Variants in RIC3 observed in about 807,000 individuals in gnomAD.
RIC3 encodes the protein protein RIC-3.
RIC3 carries 28 observed loss-of-function variants against 27.3 expected under a neutral mutation model. The observed-to-expected ratio is 1.02, with a 90% CI of 0.76 to 1.41. RIC3 has a LOEUF of 1.41. RIC3 is among the 40% of genes most tolerant of loss of function. The probability of loss-of-function intolerance (pLI) is 0.00; values close to 1 mark genes in which losing one functional copy is unlikely to be tolerated. For synonymous variants in RIC3, 184 were observed against 160.4 expected (o/e 1.15, Z -1.11); for missense variants, 501 against 444.7 (o/e 1.13, Z -1.14).
chr11:8,168,327 G>A (rs936303855), intron 1 of RIC3, among the ~76,000 whole-genome samples: 1 of 152,116 alleles, frequency 6.6e-6, no homozygotes, highest in Non-Finnish European at 1.5e-5. Context: ...ACTGAAACTG[G>A]GGTTATTAAA....
Position 8,169,006 on chromosome 11 carries a change from C to CGCAGGT in RIC3, c.-23_-18dup. The CGCAGGT allele has an allele frequency of 6.4e-7, 1 of 1,558,604 alleles. No individual in the cohort carries two copies. Among genetic ancestry groups the CGCAGGT allele is most frequent in the Admixed American group, 2.0e-5 (1 of 49,520 alleles). On this transcript the variant is annotated 5_prime_UTR_variant, in exon 1 of 6. Coordinates refer to ENST00000309737, the MANE Select transcript of RIC3 (RefSeq NM_001206671.4). ...GTACGCCATGACTGCTCACGGTGGT[C>CGCAGGT]GCAGGTGCAGACGCCAGCCGGAACC...
At chr11:8,129,762 C>T (rs1947462891) in intron 4 of RIC3, among the ~76,000 whole-genome samples, 1 of 152,212 alleles carries the variant, frequency 6.6e-6, no homozygotes, top group South Asian at 2.1e-4. Flanking sequence ...TTTCAGGATA[C>T]TGCAGCAGAG....
chr11:8,132,873 C>A (rs957283207), intron 4 of RIC3, among the ~76,000 whole-genome samples: 10 of 152,222 alleles, frequency 6.6e-5, no homozygotes, highest in Middle Eastern at 3.4e-3. Flanking sequence ...CATAGGAGCA[C>A]AGACTTGTAA....
chr11:8,141,002 G>C (rs572734635), intron 1 of RIC3, among the ~76,000 whole-genome samples: 1 of 148,550 alleles, frequency 6.7e-6, no homozygotes, highest in Non-Finnish European at 1.5e-5. Flanking sequence ...GTCACCACCA[G>C]GCCTGCCCTA....
the RIC3 span, chr11:8,098,996 C>T: frequency 2.6e-6 from 2 of 767,712 alleles, no homozygotes; most frequent in Non-Finnish European, 4.5e-6. Flanking sequence ...TGGAGAGGGG[C>T]TGTCCTCTGT....
At chr11:8,103,941 G>A (rs986708869), downstream of RIC3, 2 of 152,210 alleles carry the variant, frequency 1.3e-5, no homozygotes, top group African/African-American at 4.8e-5. Context: ...ATCTTTTGGT[G>A]GAGTCAGGAA....
chr11:8,156,458 A>G (rs1309158890), intron 1 of RIC3, among the ~76,000 whole-genome samples: 1 of 152,226 alleles, frequency 6.6e-6, no homozygotes, highest in African/African-American at 2.4e-5. Context: ...ATAATATCAT[A>G]TATACAAAGC....
At chr11:8,143,838 T>C (rs562875304) in intron 1 of RIC3, among the ~76,000 whole-genome samples, 1,666 of 152,080 alleles carry the variant, frequency 0.011, 26 homozygotes, top group Admixed American at 0.053. Flanking sequence ...GAGATATAGA[T>C]CAATGGAACA....
intron 1 of RIC3, among the ~76,000 whole-genome samples, chr11:8,155,317 T>C (rs1308660069): frequency 3.3e-5 from 5 of 152,050 alleles, no homozygotes; most frequent in Admixed American, 6.6e-5. Flanking sequence ...GGCTCACGTC[T>C]GTAATCCCAG....
Position 8,136,319 on chromosome 11 carries a change from A to G in RIC3, c.521+1059T>C, listed in dbSNP as rs191564120. ...GTAGAGCAACGATTTCCTGGGGCAA[A>G]AACTACAGTGTGCTCACAAAGATGC... On this transcript the variant is annotated intron_variant, in intron 4 of 5. Transcript: ENST00000309737. 7.6e-4 allele frequency among the ~76,000 whole-genome samples: 115 copies of G among 152,308 alleles called. 1 individual carries two copies. Among genetic ancestry groups the G allele is most frequent in the Middle Eastern group, 3.4e-3 (1 of 294 alleles).
chr11:8,103,084 C>T (rs1944373987), downstream of RIC3: 1 of 152,210 alleles, frequency 6.6e-6, no homozygotes, highest in Admixed American at 6.5e-5. Flanking sequence ...GTGTCTGGCC[C>T]CTCCGCGAGG....
chr11:8,167,481 A>G (rs140691630), intron 1 of RIC3, among the ~76,000 whole-genome samples: 108 of 152,258 alleles, frequency 7.1e-4, no homozygotes, highest in African/African-American at 2.5e-3. Context: ...AACTGAAGGT[A>G]CAAAGATCCT....
the RIC3 span, chr11:8,093,929 C>T: frequency 8.2e-7 from 1 of 1,212,342 alleles, no homozygotes; most frequent in South Asian, 1.3e-5. Context: ...TACAGGGGCC[C>T]TGGTGGGACT....
chr11:8,116,067 G>C (rs1945831972), intron 5 of RIC3, among the ~76,000 whole-genome samples: 1 of 152,234 alleles, frequency 6.6e-6, no homozygotes, highest in African/African-American at 2.4e-5. Flanking sequence ...TGATGGAACA[G>C]AATAAAAGCC....
chr11:8,120,391 G>T (rs1245918039), intron 5 of RIC3, among the ~76,000 whole-genome samples: 1 of 152,114 alleles, frequency 6.6e-6, no homozygotes, highest in Non-Finnish European at 1.5e-5. Context: ...TCCCTTGCAG[G>T]GACATGGATG....
intron 1 of RIC3, among the ~76,000 whole-genome samples, chr11:8,143,887 G>T (rs1386426725): frequency 6.6e-6 from 1 of 152,040 alleles, no homozygotes; most frequent in Non-Finnish European, 1.5e-5. Context: ...TATCTACAAC[G>T]ATCAGACCTT....
the RIC3 span, among the ~76,000 whole-genome samples, chr11:8,096,005 C>T: frequency 6.6e-6 from 1 of 152,202 alleles, no homozygotes; most frequent in Non-Finnish European, 1.5e-5. Context: ...GTTCAGTTTT[C>T]CCACCACAAG....
chr11:8,131,071 T>C (rs750396991), intron 4 of RIC3, among the ~76,000 whole-genome samples: 7 of 152,032 alleles, frequency 4.6e-5, no homozygotes, highest in Admixed American at 4.6e-4. Flanking sequence ...TCACATGAGA[T>C]AGTTATGACC....
the RIC3 span, among the ~76,000 whole-genome samples, chr11:8,094,448 C>T: frequency 2.0e-5 from 3 of 152,172 alleles, no homozygotes; most frequent in Admixed American, 6.5e-5. Context: ...CCAGAACCAC[C>T]GTCCCCCACC....
Sources: allele counts gnomAD v4.1 joint callset (sites outside exome capture counted in the v4.1 genomes callset), GRCh38; gene constraint gnomAD v4.1.1; transcripts MANE v1.5; gene names NCBI Gene and HGNC (gene_info 2026-07-23, HGNC 2026-07-21).